Variants in DNAH6 observed in about 807,000 individuals in gnomAD.
DNAH6 encodes the protein dynein axonemal heavy chain 6.
In DNAH6, 340 loss-of-function variants were observed where a neutral mutation model predicts 491.4. The ratio of observed to expected loss-of-function variants is 0.69; its 90% confidence interval spans 0.63 to 0.76. The LOEUF (loss-of-function observed/expected upper bound fraction) is 0.76, where lower values mean the gene tolerates loss of function less well. Ranked by LOEUF, DNAH6 falls within the 30% of genes least tolerant of loss-of-function variation. DNAH6 has a pLI of 0.00. For synonymous variants in DNAH6, 1,603 were observed against 1,686.1 expected, an observed-to-expected ratio of 0.95 and a Z score of 1.21; for missense variants, 4,443 against 4,972.2, an observed-to-expected ratio of 0.89 and a Z score of 3.20.
Position 84,701,387 on chromosome 2 carries a change from A to G in DNAH6, c.8061+48A>G, listed in dbSNP as rs779860114. The stretch of plus-strand genomic sequence containing the variant: ...AAATATTGTTTTGCTTGAACTCAGA[A>G]CTTTTGAGAATGCATGGAAACTCTA... On this transcript the variant is annotated intron_variant, in intron 49 of 76. Coordinates refer to ENST00000389394, the MANE Select transcript of DNAH6 (RefSeq NM_001370.2). 419 of 1,523,198 alleles carry G rather than the reference A, an allele frequency of 2.8e-4. 6 individuals carry two copies. The South Asian group carries it at 5.0e-3, about 18-fold the overall frequency. The allele number at this position is 1,523,198 out of a possible 1,614,324, so 94.4% of individuals were successfully genotyped here. A position where few individuals can be genotyped will look rare whatever the true frequency, so the allele number is the denominator to read the frequency against.
intron 64 of DNAH6, among the ~76,000 whole-genome samples, chr2:84,771,367 G>A (rs1419530068): frequency 6.6e-6 from 1 of 151,636 alleles, no homozygotes; most frequent in Non-Finnish European, 1.5e-5. Context: ...ATACACTAAT[G>A]GAAATCTGAG....
intron 31 of DNAH6, among the ~76,000 whole-genome samples, chr2:84,637,900 G>A (rs1296139075): frequency 6.6e-6 from 1 of 151,746 alleles, no homozygotes; most frequent in Non-Finnish European, 1.5e-5. Context: ...ATTTAAACTG[G>A]CTTTAAATAG....
chr2:84,810,758 C>A (rs773935031), intron 72 of DNAH6, among the ~76,000 whole-genome samples: 12 of 152,218 alleles, frequency 7.9e-5, no homozygotes, highest in Non-Finnish European at 1.5e-4. Flanking sequence ...TGGGATAGGA[C>A]AGGTCCTAGG....
intron 60 of DNAH6, among the ~76,000 whole-genome samples, chr2:84,724,087 CT>C (rs1341308946): frequency 1.3e-5 from 2 of 152,198 alleles, no homozygotes; most frequent in Admixed American, 1.3e-4. Context: ...GTCTCCTTTT[CT>C]GGGCAGAGCA....
At chr2:84,729,092 T>C (rs1698909442) in intron 61 of DNAH6, among the ~76,000 whole-genome samples, 1 of 152,172 alleles carries the variant, frequency 6.6e-6, no homozygotes, top group South Asian at 2.1e-4. Context: ...CCTTCCTCCC[T>C]GACCCCCATC....
At chr2:84,703,840 A>G (rs1301939199) in intron 50 of DNAH6, among the ~76,000 whole-genome samples, 1 of 152,216 alleles carries the variant, frequency 6.6e-6, no homozygotes, top group African/African-American at 2.4e-5. Flanking sequence ...AATATAAAGC[A>G]ACTATGTCTC....
the DNAH6 span, among the ~76,000 whole-genome samples, chr2:84,485,535 TGAGTAAGTTG>T: frequency 6.6e-6 from 1 of 152,062 alleles, no homozygotes; most frequent in African/African-American, 2.4e-5. Context: ...AGACCTAGGA[TGAGTAAGTTG>T]GATAGTGGGT....
intron 15 of DNAH6, among the ~76,000 whole-genome samples, chr2:84,586,856 A>G (rs778131594): frequency 1.3e-5 from 2 of 152,164 alleles, no homozygotes; most frequent in African/African-American, 4.8e-5. Flanking sequence ...TACACAGCAT[A>G]TGGTTAAAAA....
At chr2:84,524,892 T>G (rs1211571648) in intron 2 of DNAH6, among the ~76,000 whole-genome samples, 1 of 152,106 alleles carries the variant, frequency 6.6e-6, no homozygotes, top group Non-Finnish European at 1.5e-5. Context: ...TTTTCCTTTC[T>G]TCAGTGAGTG....
chr2:84,796,926 G>A (rs555186277), intron 69 of DNAH6, among the ~76,000 whole-genome samples: 1 of 152,144 alleles, frequency 6.6e-6, no homozygotes, highest in Non-Finnish European at 1.5e-5. Context: ...GTAAAAACCA[G>A]ATCTGTGAGT....
In DNAH6 at chr2:84,529,024, G is replaced by C; in HGVS notation, c.520G>C (p.Asp174His). 3.9e-6 allele frequency: 6 copies of C among 1,551,136 alleles called. No individual in the cohort carries two copies. The highest frequency in any genetic ancestry group is 5.2e-6 in the Non-Finnish European group (6 of 1,146,744). ...SSAYPKYTFH[D>H]REEVVKANIR... ...AGCTTACCCTAAGTACACTTTTCACGACCGAGAAGAAGTTGTTAAAGCCAA... is the reference window on the plus strand; with the variant it reads ...AGCTTACCCTAAGTACACTTTTCACCACCGAGAAGAAGTTGTTAAAGCCAA... Residue 174 changes from aspartate (D) to histidine (H), a missense_variant, in exon 4 of 77, where the codon GAC becomes CAC. Coordinates refer to ENST00000389394, the MANE Select transcript of DNAH6 (RefSeq NM_001370.2).
At chr2:84,570,610 A>T (rs1375352257) in intron 11 of DNAH6, among the ~76,000 whole-genome samples, 1 of 152,166 alleles carries the variant, frequency 6.6e-6, no homozygotes, top group Non-Finnish European at 1.5e-5. Context: ...GTGAAAACAC[A>T]CCAATCAGCG....
rs1413026741 is a variant in DNAH6, at chr2:84,518,197, A to T, written c.225+146A>T. The T allele has an allele frequency of 6.1e-5, 39 of 640,896 alleles. No individual in the cohort carries two copies. In the Middle Eastern group the frequency reaches 1.1e-3, roughly 18 times the overall value. 39.7% of individuals were successfully genotyped at this position (640,896 alleles called of 1,614,324 possible). A position where few individuals can be genotyped will look rare whatever the true frequency, so the allele number is the denominator to read the frequency against. On this transcript the variant is annotated intron_variant, in intron 2 of 76. Transcript: ENST00000389394. ...ATAATAACTGCTTATGTAGTTGTAA[A>T]TACGGTAAATATTTATTAAACAAAT...
intron 35 of DNAH6, among the ~76,000 whole-genome samples, chr2:84,657,997 G>C (rs1157783429): frequency 6.6e-6 from 1 of 151,970 alleles, no homozygotes; most frequent in Non-Finnish European, 1.5e-5. Context: ...GTATAGAAGA[G>C]TGCATGAAAT....
intron 60 of DNAH6, among the ~76,000 whole-genome samples, chr2:84,725,749 C>T (rs1698566512): frequency 6.6e-6 from 1 of 152,146 alleles, no homozygotes; most frequent in Non-Finnish European, 1.5e-5. Flanking sequence ...AGGTGACAGC[C>T]TTGGCCAGGA....
chr2:84,527,875 A>G (rs1261234913), intron 3 of DNAH6, among the ~76,000 whole-genome samples: 4 of 152,226 alleles, frequency 2.6e-5, no homozygotes, highest in African/African-American at 4.8e-5. Context: ...TCTGCCAGCT[A>G]TGTTAATAGG....
At chr2:84,488,834 C>T in the DNAH6 span, among the ~76,000 whole-genome samples, 1 of 152,164 alleles carries the variant, frequency 6.6e-6, no homozygotes, top group African/African-American at 2.4e-5. Flanking sequence ...CCATAGCAGG[C>T]ATTAAATTAG....
At chr2:84,622,353 A>T (rs1292821617) in intron 26 of DNAH6, among the ~76,000 whole-genome samples, 1 of 152,066 alleles carries the variant, frequency 6.6e-6, no homozygotes. Context: ...TTTAAGAGAC[A>T]GGATCTCACT....
intron 56 of DNAH6, among the ~76,000 whole-genome samples, chr2:84,712,430 A>G (rs1405473146): frequency 6.6e-6 from 1 of 152,184 alleles, no homozygotes; most frequent in Non-Finnish European, 1.5e-5. Context: ...TCCCTGGGCA[A>G]TGTCTCCATG....
Sources: gnomAD v4.1 joint callset for allele counts (sites outside exome capture counted in the v4.1 genomes callset) on GRCh38, gnomAD v4.1.1 for gene constraint, MANE v1.5 for transcripts, NCBI Gene and HGNC (gene_info 2026-07-23, HGNC 2026-07-21) for gene names.